The following DLGAP2 variants were observed in gnomAD, a reference collection of about 807,000 sequenced individuals.
DLGAP2 encodes disks large-associated protein 2.
Under a neutral mutation model 100.3 loss-of-function variants are expected in DLGAP2, and 26 were observed. That is an observed-to-expected ratio of 0.26 (90% CI 0.19 to 0.36). DLGAP2 has a LOEUF of 0.36. Among genes scored for constraint, DLGAP2 ranks in the 10% least tolerant of loss-of-function variants. DLGAP2 has a pLI of 1.00. For missense variants in DLGAP2, 1,858 were observed against 1,453.2 expected (o/e 1.28, Z -4.53); for synonymous variants, 886 against 630.1 (o/e 1.41, Z -6.08).
chr8:1,456,426 T>G (rs1307286805), intron 3 of DLGAP2, among the ~76,000 whole-genome samples: 2 of 152,182 alleles, frequency 1.3e-5, no homozygotes, highest in African/African-American at 2.4e-5. Context: ...AATCACATAA[T>G]GATTCAAAAT....
At chr8:1,103,812 C>T (rs541059594) in intron 2 of DLGAP2, among the ~76,000 whole-genome samples, 2 of 151,890 alleles carry the variant, frequency 1.3e-5, no homozygotes, top group Admixed American at 1.3e-4. Flanking sequence ...ACGGTGATGA[C>T]TGGCAGGTGT....
chr8:1,253,588 C>A (rs1479330607), intron 2 of DLGAP2, among the ~76,000 whole-genome samples: 1 of 152,206 alleles, frequency 6.6e-6, no homozygotes, highest in African/African-American at 2.4e-5. Context: ...CCAGAAAACA[C>A]TGGGCTGGGC....
intron 2 of DLGAP2, chr8:1,018,949 T>G (rs1240612292): frequency 6.6e-6 from 1 of 152,004 alleles, no homozygotes; most frequent in Non-Finnish European, 1.5e-5. Context: ...ACCATGTGGG[T>G]TTACATGGAC....
chr8:1,701,586 C>T lies in DLGAP2; in HGVS notation c.*180C>T. On this transcript the variant is annotated 3_prime_UTR_variant, in exon 15 of 15. Coordinates refer to ENST00000637795, the MANE Select transcript of DLGAP2 (RefSeq NM_001346810.2). The stretch of plus-strand genomic sequence containing the variant: ...GCCTCAGAGTCCACGGAGCTCGCGG[C>T]GAGGACGACTTCTGCTTTTGTTGTT... The T allele has an allele frequency of 1.5e-6, 1 of 651,012 alleles. No homozygotes were observed. The allele number at this position is 651,012 out of a possible 1,614,324, so 40.3% of individuals were successfully genotyped here.
intron 2 of DLGAP2, among the ~76,000 whole-genome samples, chr8:1,225,714 G>A (rs1798400210): frequency 6.6e-6 from 1 of 152,110 alleles, no homozygotes; most frequent in South Asian, 2.1e-4. Context: ...AGAAATACTG[G>A]GGAGCTCTTG....
intron 1 of DLGAP2, among the ~76,000 whole-genome samples, chr8:795,604 T>A (rs1796009061): frequency 9.0e-6 from 1 of 110,688 alleles, no homozygotes; most frequent in African/African-American, 3.6e-5. Flanking sequence ...CACAGGTCCG[T>A]CATGGAGCAG....
intron 3 of DLGAP2, among the ~76,000 whole-genome samples, chr8:1,411,498 A>G (rs1422929591): frequency 6.6e-6 from 1 of 152,174 alleles, no homozygotes; most frequent in Non-Finnish European, 1.5e-5. Context: ...CCGGCTCCCT[A>G]GCCTGGTGAC....
At chr8:911,828 A>G (rs564022840) in intron 2 of DLGAP2, among the ~76,000 whole-genome samples, 1 of 152,354 alleles carries the variant, frequency 6.6e-6, no homozygotes, top group East Asian at 1.9e-4. Context: ...AACACATCAG[A>G]AGCCACCTTC....
intron 3 of DLGAP2, among the ~76,000 whole-genome samples, chr8:1,363,667 G>A (rs959647751): frequency 6.6e-6 from 1 of 152,156 alleles, no homozygotes; most frequent in African/African-American, 2.4e-5. Flanking sequence ...TTGCTTCTGG[G>A]TGGGGACAAC....
At chr8:881,666 A>ACATATATATATATATATAT in intron 1 of DLGAP2, among the ~76,000 whole-genome samples, 1 of 131,046 alleles carries the variant, frequency 7.6e-6, no homozygotes, top group African/African-American at 2.7e-5. Context: ...CTTGTGGCTG[A>ACATATATATATATATATAT]ACACACACAC....
intron 3 of DLGAP2, among the ~76,000 whole-genome samples, chr8:1,436,592 T>G (rs1481576618): frequency 1.3e-5 from 2 of 152,206 alleles, no homozygotes. Context: ...CATCACAGTA[T>G]GCTAAGGTTA....
In DLGAP2 at chr8:1,242,740, A is replaced by G. The variant is rs980704240; in HGVS notation, c.74-16111A>G. Among the ~76,000 whole-genome samples, 4 of 152,132 alleles carry G rather than the reference A, an allele frequency of 2.6e-5. No homozygotes were observed. The East Asian group carries it at 7.7e-4, about 29-fold the overall frequency. On this transcript the variant is annotated intron_variant, in intron 2 of 14. Coordinates refer to ENST00000637795, the MANE Select transcript of DLGAP2 (RefSeq NM_001346810.2). The stretch of plus-strand genomic sequence containing the variant: ...GGTGGGTGGATGGATGTATGTATGG[A>G]CAGATGGACGGATGGATGGTCAGAC...
chr8:1,331,182 G>C (rs894892377), intron 3 of DLGAP2, among the ~76,000 whole-genome samples: 2 of 152,234 alleles, frequency 1.3e-5, no homozygotes, highest in Non-Finnish European at 2.9e-5. Context: ...TGGATTCTTA[G>C]TCGACAGGTA....
At chr8:878,453 G>A (rs1382287975) in intron 1 of DLGAP2, among the ~76,000 whole-genome samples, 1 of 152,194 alleles carries the variant, frequency 6.6e-6, no homozygotes, top group African/African-American at 2.4e-5. Flanking sequence ...ATAAGTAGAG[G>A]TTGTGGGGAC....
chr8:1,128,190 GTGTTGTGTTCGGTGAGGACCTGCTCCCCA>G (rs1252972593), intron 2 of DLGAP2, among the ~76,000 whole-genome samples: 12 of 151,612 alleles, frequency 7.9e-5, no homozygotes, highest in South Asian at 2.1e-4. Flanking sequence ...CCTGCTCCCC[GTGTTGTGTTCGGTGAGGACCTGCTCCCCA>G]TGTTGTGTTC....
chr8:1,260,255 C>T (rs11136371), intron 3 of DLGAP2, among the ~76,000 whole-genome samples: 25,505 of 151,870 alleles, frequency 0.17, 2,472 homozygotes, highest in East Asian at 0.38. Context: ...CCATTCCCAC[C>T]AGGGAATGCA....
At chr8:1,595,384 C>T (rs1234509124) in intron 6 of DLGAP2, among the ~76,000 whole-genome samples, 3 of 152,072 alleles carry the variant, frequency 2.0e-5, no homozygotes, top group Non-Finnish European at 4.4e-5. Flanking sequence ...AATAGGTCGG[C>T]CGGGCGCGGT....
At chr8:848,955 C>T (rs951264208) in intron 1 of DLGAP2, among the ~76,000 whole-genome samples, 1 of 149,370 alleles carries the variant, frequency 6.7e-6, no homozygotes, top group Non-Finnish European at 1.5e-5. Context: ...ACGCGCGGTG[C>T]CTGTTCCAGC....
chr8:1,412,222 A>C lies in DLGAP2; in HGVS notation c.107-89144A>C, dbSNP rs186428132. On this transcript the variant is annotated intron_variant, in intron 3 of 14. Transcript: ENST00000637795. ...CCCAGCACTGGGACTTTTATGCTGA[A>C]GGCGAGGTCCCCCGCCAGCCTCCTG... Among the ~76,000 whole-genome samples the C allele has an allele frequency of 3.7e-3, 560 of 152,208 alleles. 3 individuals are homozygous for C. The highest frequency in any genetic ancestry group is 2.9e-3 in the Non-Finnish European group (198 of 68,010).
Sources: allele counts gnomAD v4.1 joint callset (sites outside exome capture counted in the v4.1 genomes callset), GRCh38; gene constraint gnomAD v4.1.1; transcripts MANE v1.5; gene names NCBI Gene and HGNC (gene_info 2026-07-23, HGNC 2026-07-21).